ZNF385D: variants seen among roughly 807,000 people sequenced by gnomAD.
ZNF385D encodes zinc finger protein 385D.
ZNF385D carries 15 observed loss-of-function variants against 35.8 expected under a neutral mutation model. That is an observed-to-expected ratio of 0.42 (90% CI 0.28 to 0.64). The LOEUF (loss-of-function observed/expected upper bound fraction) is 0.64, where lower values mean the gene tolerates loss of function less well. Among genes scored for constraint, ZNF385D ranks in the 30% least tolerant of loss-of-function variants. The pLI is 0.23. For synonymous variants in ZNF385D, 212 were observed against 186.8 expected, an observed-to-expected ratio of 1.13 and a Z score of -1.10; for missense variants, 474 against 494.6, an observed-to-expected ratio of 0.96 and a Z score of 0.39.
chr3:21,743,450 C>A (rs2069616049), intron 1 of ZNF385D, among the ~76,000 whole-genome samples: 1 of 152,344 alleles, frequency 6.6e-6, no homozygotes, highest in East Asian at 1.9e-4. Context: ...TGACAAAAAA[C>A]CACAGACTGG....
intron 3 of ZNF385D, among the ~76,000 whole-genome samples, chr3:21,908,664 AT>A (rs1443224510): frequency 6.6e-6 from 1 of 152,060 alleles, no homozygotes; most frequent in Non-Finnish European, 1.5e-5. Flanking sequence ...ATTTGGCCAG[AT>A]TCAAGAATGA....
intron 1 of ZNF385D, among the ~76,000 whole-genome samples, chr3:21,729,626 G>C (rs926343891): frequency 2.6e-5 from 4 of 152,116 alleles, no homozygotes; most frequent in East Asian, 3.9e-4. Flanking sequence ...ATCTAATCTT[G>C]AATTGGGCTG....
At chr3:21,740,198 A>C (rs1017451885) in intron 1 of ZNF385D, among the ~76,000 whole-genome samples, 1 of 152,170 alleles carries the variant, frequency 6.6e-6, no homozygotes, top group Non-Finnish European at 1.5e-5. Context: ...GAATAGAAAT[A>C]AGTATACTAA....
chr3:22,233,440 A>T (rs1699007826), intron 2 of ZNF385D, among the ~76,000 whole-genome samples: 1 of 152,210 alleles, frequency 6.6e-6, no homozygotes, highest in African/African-American at 2.4e-5. Context: ...TTAAATTGAG[A>T]ATGGTCACAG....
chr3:21,805,774 G>C (rs1275926430), intron 3 of ZNF385D, among the ~76,000 whole-genome samples: 1 of 152,176 alleles, frequency 6.6e-6, no homozygotes, highest in African/African-American at 2.4e-5. Context: ...ATGCTAGTGA[G>C]CAGTGAAACG....
At chr3:21,436,699 C>A in intron 5 of ZNF385D, 2 of 365,306 alleles carry the variant, frequency 5.5e-6, no homozygotes, top group Non-Finnish European at 4.9e-6. Flanking sequence ...AAATGCAAAA[C>A]ACATTTTAGG....
intron 2 of ZNF385D, among the ~76,000 whole-genome samples, chr3:22,282,551 T>C (rs954078797): frequency 6.6e-6 from 1 of 152,120 alleles, no homozygotes; most frequent in African/African-American, 2.4e-5. Context: ...TGAGGATTCC[T>C]TTTGGAGTTG....
chr3:22,101,630 C>T (rs893262503), intron 3 of ZNF385D, among the ~76,000 whole-genome samples: 5 of 151,976 alleles, frequency 3.3e-5, no homozygotes, highest in African/African-American at 4.8e-5. Context: ...TTTAATTTCG[C>T]CAACTATAGC....
chr3:22,009,635 A>AT (rs1491438447), intron 3 of ZNF385D, among the ~76,000 whole-genome samples: 22 of 38,554 alleles, frequency 5.7e-4, no homozygotes, highest in South Asian at 1.7e-3. Context: ...AAAAAAAAAT[A>AT]AAAAAAAAAA....
chr3:22,062,258 G>A (rs1699727887), intron 3 of ZNF385D, among the ~76,000 whole-genome samples: 1 of 151,876 alleles, frequency 6.6e-6, no homozygotes, highest in African/African-American at 2.4e-5. Flanking sequence ...ATTTTGCCAT[G>A]TTACCCAGGC....
At chr3:21,639,054 A>C (rs1216809274) in intron 2 of ZNF385D, among the ~76,000 whole-genome samples, 1 of 152,140 alleles carries the variant, frequency 6.6e-6, no homozygotes, top group African/African-American at 2.4e-5. Flanking sequence ...TTTGTTATGT[A>C]ATCCGACTCC....
intron 2 of ZNF385D, among the ~76,000 whole-genome samples, chr3:22,295,380 G>T (rs1397203943): frequency 6.6e-6 from 1 of 152,142 alleles, no homozygotes; most frequent in Non-Finnish European, 1.5e-5. Context: ...ACTGATGACA[G>T]TGCCACCTCA....
rs561753597 is a variant in ZNF385D at position 22,087,004 on chromosome 3, G to A, written c.325+81813C>T. On this transcript the variant is annotated intron_variant, in intron 3 of 5. Coordinates refer to the ZNF385D transcript ENST00000494108. ...TGTAAATGACAAGTTAATGGGTGCAGGACGCCAACATGGCACACGCATACA... is the reference window on the plus strand; with the variant it reads ...TGTAAATGACAAGTTAATGGGTGCAAGACGCCAACATGGCACACGCATACA... 1.2e-4 allele frequency among the ~76,000 whole-genome samples: 18 copies of A among 152,134 alleles called. No individual in the cohort carries two copies. In the East Asian group the frequency reaches 3.5e-3, roughly 29 times the overall value.
At chr3:22,146,465 A>C (rs192561378) in intron 3 of ZNF385D, among the ~76,000 whole-genome samples, 304 of 152,268 alleles carry the variant, frequency 2.0e-3, no homozygotes, top group Non-Finnish European at 3.7e-3. Flanking sequence ...GACTAGAATA[A>C]ATCAAACTGA....
chr3:21,484,336 C>T (rs543301038), intron 4 of ZNF385D, among the ~76,000 whole-genome samples: 1 of 152,242 alleles, frequency 6.6e-6, no homozygotes, highest in South Asian at 2.1e-4. Context: ...TACAAAACTG[C>T]TTTAGGGGTG....
At chr3:22,324,423 C>T (rs2125449929) in intron 2 of ZNF385D, among the ~76,000 whole-genome samples, 1 of 152,140 alleles carries the variant, frequency 6.6e-6, no homozygotes, top group African/African-American at 2.4e-5. Flanking sequence ...AATCACTCTT[C>T]TATATACATA....
At chr3:21,623,929 G>A (rs1035143080) in intron 2 of ZNF385D, among the ~76,000 whole-genome samples, 2 of 152,048 alleles carry the variant, frequency 1.3e-5, no homozygotes, top group Non-Finnish European at 2.9e-5. Flanking sequence ...CGGGTTTGAA[G>A]TAAAAAGCAC....
chr3:22,035,041 C>T (rs571087686), intron 3 of ZNF385D, among the ~76,000 whole-genome samples: 4 of 152,114 alleles, frequency 2.6e-5, no homozygotes, highest in South Asian at 4.1e-4. Flanking sequence ...TCAACATTGT[C>T]GATTTATATA....
intron 5 of ZNF385D, among the ~76,000 whole-genome samples, chr3:21,435,089 G>A (rs756992832): frequency 3.0e-4 from 45 of 151,948 alleles, no homozygotes; most frequent in Non-Finnish European, 3.7e-4. Context: ...TGGGCATAGC[G>A]CTTGGGTACA....
Sources: gnomAD v4.1 joint callset for allele counts (sites outside exome capture counted in the v4.1 genomes callset) on GRCh38, gnomAD v4.1.1 for gene constraint, MANE v1.5 for transcripts, NCBI Gene and HGNC (gene_info 2026-07-23, HGNC 2026-07-21) for gene names.